FGGY: variants seen among roughly 807,000 people sequenced by gnomAD.
FGGY encodes FGGY carbohydrate kinase domain-containing protein.
A neutral mutation model predicts 71.3 loss-of-function variants in FGGY; 72 were observed. The ratio of observed to expected loss-of-function variants is 1.01; its 90% CI spans 0.84 to 1.23. The LOEUF (loss-of-function observed/expected upper bound fraction) is 1.23, where lower values mean the gene tolerates loss of function less well. Among genes scored for constraint, FGGY ranks in the 50% most tolerant of loss-of-function variants. The pLI, the probability that FGGY is intolerant of heterozygous loss-of-function variation, is 0.00. For synonymous variants in FGGY, 251 were observed against 250.3 expected, an observed-to-expected ratio of 1.00 and a Z score of -0.02; for missense variants, 668 against 682.3, an observed-to-expected ratio of 0.98 and a Z score of 0.23.
At chr1:59,669,586 G>T (rs186470068) in intron 13 of FGGY, among the ~76,000 whole-genome samples, 2,106 of 123,756 alleles carry the variant, frequency 0.017, 25 homozygotes, top group Middle Eastern at 0.12. Flanking sequence ...GTAGAGACAG[G>T]GTTTCACCAT....
chr1:59,676,485 G>A (rs2097436587), intron 14 of FGGY, among the ~76,000 whole-genome samples: 1 of 151,266 alleles, frequency 6.6e-6, no homozygotes. Flanking sequence ...AGATGAGGCT[G>A]CTATACTAGA....
At chr1:59,675,730 C>T (rs556409520) in intron 14 of FGGY, among the ~76,000 whole-genome samples, 10 of 152,314 alleles carry the variant, frequency 6.6e-5, no homozygotes, top group African/African-American at 2.4e-4. Flanking sequence ...TCTTGCCCTT[C>T]CTGCGGCAAA....
chr1:59,472,186 C>T (rs1347196924), intron 6 of FGGY, among the ~76,000 whole-genome samples: 6 of 152,216 alleles, frequency 3.9e-5, no homozygotes, highest in Admixed American at 2.6e-4. Flanking sequence ...GCGTGAGTTC[C>T]GGGTGGGTGT....
intron 6 of FGGY, among the ~76,000 whole-genome samples, chr1:59,475,545 G>A (rs376918098): frequency 6.6e-6 from 1 of 152,316 alleles, no homozygotes; most frequent in East Asian, 1.9e-4. Context: ...GGGGAAGCCA[G>A]GATTGATGAG....
chr1:59,665,173 C>T (rs1164709333), intron 12 of FGGY, among the ~76,000 whole-genome samples: 1 of 151,470 alleles, frequency 6.6e-6, no homozygotes, highest in Non-Finnish European at 1.5e-5. Context: ...TTGTATGTGA[C>T]TTTTTTTTTC....
intron 7 of FGGY, among the ~76,000 whole-genome samples, chr1:59,529,553 G>A (rs547655192): frequency 3.1e-4 from 47 of 152,316 alleles, no homozygotes; most frequent in African/African-American, 1.1e-3. Context: ...GTCGTGGAAT[G>A]GTAAGCATTT....
intron 14 of FGGY, among the ~76,000 whole-genome samples, chr1:59,748,482 G>A (rs1315866089): frequency 6.6e-6 from 1 of 152,130 alleles, no homozygotes; most frequent in Non-Finnish European, 1.5e-5. Context: ...ATTCAGAAAG[G>A]CCTTAGGCAG....
At chr1:59,744,325 A>G (rs1238304813) in intron 14 of FGGY, among the ~76,000 whole-genome samples, 2 of 152,154 alleles carry the variant, frequency 1.3e-5, no homozygotes, top group Non-Finnish European at 2.9e-5. Context: ...GATTCAAGCG[A>G]TTCTCCTGCC....
chr1:59,452,781 G>A (rs1448547946), intron 5 of FGGY, among the ~76,000 whole-genome samples: 1 of 152,196 alleles, frequency 6.6e-6, no homozygotes, highest in Non-Finnish European at 1.5e-5. Flanking sequence ...CACCCTTGGT[G>A]GAAGCAGCAC....
intron 4 of FGGY, among the ~76,000 whole-genome samples, chr1:59,359,662 A>G (rs2055030615): frequency 6.6e-6 from 1 of 152,128 alleles, no homozygotes; most frequent in Non-Finnish European, 1.5e-5. Flanking sequence ...GATTCCTATA[A>G]AGGCTCCTGT....
rs1364100312 is a variant in FGGY at position 59,650,327 on chromosome 1, A to T, written c.1222-9892A>T. Among the ~76,000 whole-genome samples, 2 of 136,336 alleles carry T rather than the reference A, an allele frequency of 1.5e-5. 1 individual carries two copies. Among genetic ancestry groups the T allele is most frequent in the African/African-American group, 6.6e-5 (2 of 30,376 alleles). The allele number at this position is 136,336 out of a possible 152,430, so 89.4% of individuals were successfully genotyped here. ...TTGGAATAGTTTCAGAAGGAATGGC[A>T]CCAGCTCCTCTTTGTACCTCTGGTA... On this transcript the variant is annotated intron_variant, in intron 11 of 15. Transcript: ENST00000303721.
intron 9 of FGGY, among the ~76,000 whole-genome samples, chr1:59,618,748 A>G (rs2096781042): frequency 6.6e-6 from 1 of 151,382 alleles, no homozygotes. Flanking sequence ...TTAGAGAGAA[A>G]GAGAGAGAGA....
At chr1:59,383,014 G>A (rs972025507) in intron 5 of FGGY, among the ~76,000 whole-genome samples, 11 of 152,084 alleles carry the variant, frequency 7.2e-5, no homozygotes, top group African/African-American at 2.2e-4. Flanking sequence ...ATGACTTACC[G>A]GCTTTGATTT....
intron 6 of FGGY, among the ~76,000 whole-genome samples, chr1:59,471,699 G>T (rs2092948819): frequency 6.6e-6 from 1 of 152,166 alleles, no homozygotes; most frequent in African/African-American, 2.4e-5. Flanking sequence ...TGTCTCCTGT[G>T]TGCCAGGTGC....
intron 5 of FGGY, among the ~76,000 whole-genome samples, chr1:59,403,017 C>T (rs1471444973): frequency 5.9e-5 from 9 of 152,060 alleles, no homozygotes; most frequent in African/African-American, 4.8e-5. Context: ...CAGACTGTCA[C>T]GTGTGAGTCT....
chr1:59,436,725 C>G (rs2068554889), intron 5 of FGGY, among the ~76,000 whole-genome samples: 1 of 152,182 alleles, frequency 6.6e-6, no homozygotes. Flanking sequence ...CTTTGTAGAT[C>G]TCAGCCTGTG....
In FGGY at chr1:59,444,435, T is replaced by C. The variant is rs114760473; in HGVS notation, c.555-12526T>C. Among the ~76,000 whole-genome samples, 446 of 152,234 alleles carry C rather than the reference T, an allele frequency of 2.9e-3. 3 individuals are homozygous for C. Among genetic ancestry groups the C allele is most frequent in the African/African-American group, 0.01 (422 of 41,544 alleles). Reference sequence around the variant, plus strand: ...ATGTTTAATATCCTCTTTCTAGTGATGAGAAACTGTATAATACATTATTGT... The same window carrying C: ...ATGTTTAATATCCTCTTTCTAGTGACGAGAAACTGTATAATACATTATTGT... On this transcript the variant is annotated intron_variant, in intron 5 of 15. Coordinates refer to ENST00000303721, the MANE Select transcript of FGGY (RefSeq NM_018291.5).
chr1:59,472,059 C>T (rs2092969252), intron 6 of FGGY, among the ~76,000 whole-genome samples: 1 of 152,254 alleles, frequency 6.6e-6, no homozygotes, highest in South Asian at 2.1e-4. Context: ...CGCCGCTGCA[C>T]TGTGGGAGCC....
intron 14 of FGGY, among the ~76,000 whole-genome samples, chr1:59,711,138 G>A (rs914106293): frequency 3.9e-5 from 6 of 152,190 alleles, no homozygotes; most frequent in African/African-American, 1.2e-4. Flanking sequence ...CATGTCCTTC[G>A]CAGAGACATG....
Sources: gnomAD v4.1 joint callset for allele counts (sites outside exome capture counted in the v4.1 genomes callset) on GRCh38, gnomAD v4.1.1 for gene constraint, MANE v1.5 for transcripts, NCBI Gene and HGNC (gene_info 2026-07-23, HGNC 2026-07-21) for gene names.